CADPS: variants seen among roughly 807,000 people sequenced by gnomAD.
CADPS encodes calcium-dependent secretion activator 1.
In CADPS, 57 loss-of-function variants were observed where a neutral mutation model predicts 167.3. The observed-to-expected ratio is 0.34, with a 90% CI of 0.28 to 0.42. The LOEUF is 0.42. Among genes scored for constraint, CADPS ranks in the 20% least tolerant of loss-of-function variants. The pLI is 1.00. For synonymous variants in CADPS, 676 were observed against 635.3 expected, an observed-to-expected ratio of 1.06 and a Z score of -0.96; for missense variants, 1,414 against 1,738.1, an observed-to-expected ratio of 0.81 and a Z score of 3.32.
chr3:62,627,753 A>C (rs2064385484), intron 6 of CADPS, among the ~76,000 whole-genome samples: 1 of 151,722 alleles, frequency 6.6e-6, no homozygotes, highest in South Asian at 2.1e-4. Flanking sequence ...TTTGATCATC[A>C]TGCTCGCTCG....
At chr3:62,744,475 C>T (rs1278123384) in intron 3 of CADPS, among the ~76,000 whole-genome samples, 1 of 152,058 alleles carries the variant, frequency 6.6e-6, no homozygotes, top group Non-Finnish European at 1.5e-5. Flanking sequence ...AACAAAAAGG[C>T]TGCATGTTGG....
At chr3:62,743,917 C>T (rs1655120619) in intron 3 of CADPS, among the ~76,000 whole-genome samples, 2 of 152,188 alleles carry the variant, frequency 1.3e-5, no homozygotes, top group Admixed American at 6.5e-5. Flanking sequence ...TACATATCTA[C>T]CACCTTCCTA....
At chr3:62,612,167 G>A (rs954331884) in intron 6 of CADPS, among the ~76,000 whole-genome samples, 2 of 152,098 alleles carry the variant, frequency 1.3e-5, no homozygotes, top group Non-Finnish European at 2.9e-5. Context: ...TCTCTTCTTT[G>A]CCACTTAAAT....
At chr3:62,424,269 C>T (rs183434247) in intron 28 of CADPS, among the ~76,000 whole-genome samples, 53 of 152,256 alleles carry the variant, frequency 3.5e-4, no homozygotes, top group Admixed American at 3.0e-3. Context: ...CTGCAACCTC[C>T]GCCTCCTGGG....
chr3:62,520,662 T>C (rs750382957), intron 13 of CADPS, among the ~76,000 whole-genome samples: 12 of 152,204 alleles, frequency 7.9e-5, no homozygotes, highest in Non-Finnish European at 1.5e-4. Flanking sequence ...GATAAAACAA[T>C]TTGATGTCGA....
At chr3:62,594,192 C>T (rs1384449046) in intron 6 of CADPS, among the ~76,000 whole-genome samples, 4 of 138,160 alleles carry the variant, frequency 2.9e-5, no homozygotes, top group Admixed American at 1.6e-4. Flanking sequence ...GACAGAGTCT[C>T]GCTCTGTCGC....
intron 4 of CADPS, among the ~76,000 whole-genome samples, chr3:62,655,754 C>A (rs538757153): frequency 6.6e-6 from 1 of 152,238 alleles, no homozygotes; most frequent in Admixed American, 6.5e-5. Context: ...AGGGCCGGTG[C>A]TAGACACTGG....
intron 1 of CADPS, among the ~76,000 whole-genome samples, chr3:62,833,586 A>G (rs1329101123): frequency 6.6e-6 from 1 of 152,070 alleles, no homozygotes; most frequent in African/African-American, 2.4e-5. Flanking sequence ...TTCATTATCA[A>G]TGTTCTGGGG....
chr3:62,444,370 G>T (rs1470107925), intron 27 of CADPS, among the ~76,000 whole-genome samples: 2 of 152,190 alleles, frequency 1.3e-5, no homozygotes, highest in Non-Finnish European at 2.9e-5. Context: ...TGCCAGGTAT[G>T]GTGCTGGATG....
At chr3:62,401,894 CCA>C (rs1473680066) in intron 29 of CADPS, among the ~76,000 whole-genome samples, 2 of 151,950 alleles carry the variant, frequency 1.3e-5, no homozygotes, top group Admixed American at 6.6e-5. Flanking sequence ...TCATGTCTAC[CCA>C]ATAAGGGTCA....
At chr3:62,653,493 G>A (rs1379130415) in intron 4 of CADPS, among the ~76,000 whole-genome samples, 2 of 152,152 alleles carry the variant, frequency 1.3e-5, no homozygotes, top group African/African-American at 2.4e-5. Context: ...ATAGCAGCCT[G>A]AATAGACTAA....
intron 3 of CADPS, among the ~76,000 whole-genome samples, chr3:62,671,453 G>A (rs150750685): frequency 1.5e-3 from 230 of 152,174 alleles, no homozygotes; most frequent in African/African-American, 5.1e-3. Flanking sequence ...GGAAGCAGGC[G>A]GTTTTGTGAA....
intron 3 of CADPS, among the ~76,000 whole-genome samples, chr3:62,669,213 G>A (rs1409803028): frequency 1.3e-5 from 2 of 152,262 alleles, no homozygotes; most frequent in Non-Finnish European, 2.9e-5. Flanking sequence ...ATTAGTGTCT[G>A]AGATGGAGGC....
At chr3:62,740,800 C>G (rs1214179495) in intron 3 of CADPS, among the ~76,000 whole-genome samples, 2 of 152,160 alleles carry the variant, frequency 1.3e-5, no homozygotes, top group African/African-American at 4.8e-5. Context: ...TACCTTATTT[C>G]TATCTGATAG....
At chr3:62,480,733 A>G (rs1459980187) in intron 22 of CADPS, among the ~76,000 whole-genome samples, 1 of 152,214 alleles carries the variant, frequency 6.6e-6, no homozygotes, top group Non-Finnish European at 1.5e-5. Flanking sequence ...TCTTTCAAGA[A>G]AAAGCTTATC....
chr3:62,592,785 C>G (rs764935562), intron 6 of CADPS, 37 bp from the exon 7 acceptor site: 8 of 1,480,744 alleles, frequency 5.4e-6, no homozygotes, highest in Middle Eastern at 1.7e-4. Context: ...GTAGACATAT[C>G]TGCCTTGATG....
intron 8 of CADPS, among the ~76,000 whole-genome samples, chr3:62,572,172 T>C (rs1446803616): frequency 6.6e-6 from 1 of 152,102 alleles, no homozygotes; most frequent in Non-Finnish European, 1.5e-5. Flanking sequence ...GCCTGACAAA[T>C]TTCAGGGGCC....
intron 1 of CADPS, among the ~76,000 whole-genome samples, chr3:62,803,695 A>G (rs1280909408): frequency 2.0e-5 from 3 of 152,158 alleles, no homozygotes; most frequent in Admixed American, 6.6e-5. Context: ...TGTCATCTGT[A>G]AAGTGTTTTT....
intron 1 of CADPS, among the ~76,000 whole-genome samples, chr3:62,799,727 A>G (rs2093653657): frequency 6.6e-6 from 1 of 152,094 alleles, no homozygotes; most frequent in Non-Finnish European, 1.5e-5. Context: ...GGGTTGAATG[A>G]GATTATGTAT....
Sources: gnomAD v4.1 joint callset for allele counts (sites outside exome capture counted in the v4.1 genomes callset) on GRCh38, gnomAD v4.1.1 for gene constraint, MANE v1.5 for transcripts, NCBI Gene and HGNC (gene_info 2026-07-23, HGNC 2026-07-21) for gene names.